DCT: variants seen among roughly 807,000 people sequenced by gnomAD.
DCT encodes L-dopachrome tautomerase.
DCT carries 47 observed loss-of-function variants against 53.0 expected under a neutral mutation model. That is an observed-to-expected ratio of 0.89 (90% CI 0.70 to 1.13). The LOEUF is 1.13. DCT is among the 50% of genes most tolerant of loss of function. The probability of loss-of-function intolerance (pLI) is 0.00; values close to 1 mark genes in which losing one functional copy is unlikely to be tolerated. For missense variants in DCT, 669 were observed against 637.4 expected, an observed-to-expected ratio of 1.05 and a Z score of -0.53; for synonymous variants, 244 against 237.0, an observed-to-expected ratio of 1.03 and a Z score of -0.27.
chr13:94,462,310 C>A, intron 4 of DCT, 121 bp from the exon 5 acceptor site: 10 of 716,600 alleles, frequency 1.4e-5, no homozygotes, highest in Non-Finnish European at 2.4e-5. Context: ...GAGTTTGAGA[C>A]CAGCTATGGC....
chr13:94,527,495 G>A, the DCT span, among the ~76,000 whole-genome samples: 1 of 152,156 alleles, frequency 6.6e-6, no homozygotes, highest in East Asian at 1.9e-4. Flanking sequence ...AGGCAAACAG[G>A]GTCTGGAGTG....
chr13:94,462,864 T>C (rs116610034), intron 4 of DCT, among the ~76,000 whole-genome samples: 1 of 152,260 alleles, frequency 6.6e-6, no homozygotes, highest in African/African-American at 2.4e-5. Flanking sequence ...GCTAAGCCAG[T>C]TTTGGCAGAA....
At chr13:94,463,341 C>T (rs1325150072) in intron 4 of DCT, among the ~76,000 whole-genome samples, 1 of 148,164 alleles carries the variant, frequency 6.7e-6, no homozygotes, top group African/African-American at 2.5e-5. Flanking sequence ...GGCTGGAGTA[C>T]AATGGCACAC....
chr13:94,538,840 G>A, the DCT span, among the ~76,000 whole-genome samples: 1 of 152,146 alleles, frequency 6.6e-6, no homozygotes, highest in Non-Finnish European at 1.5e-5. Context: ...CTACTCAGCT[G>A]CTTCTCCTCC....
chr13:94,449,082 A>T (rs1475832012), intron 6 of DCT, among the ~76,000 whole-genome samples: 1 of 151,548 alleles, frequency 6.6e-6, no homozygotes, highest in Admixed American at 6.6e-5. Flanking sequence ...GGTACAGAAA[A>T]GGAAAAAAAA....
rs564330668 is a variant in DCT at position 94,469,791 on chromosome 13, A to G, written c.296-746T>C. Among the ~76,000 whole-genome samples the G allele has an allele frequency of 1.7e-3, 257 of 152,254 alleles. 2 individuals carry two copies. Among genetic ancestry groups the G allele is most frequent in the Middle Eastern group, 6.8e-3 (2 of 294 alleles). ...CTAAAGATGAAACCAAAATAAATAC[A>G]TGGCTTGGCCCGGTGGCTCACGCCT... On this transcript the variant is annotated intron_variant, in intron 1 of 7. Transcript: ENST00000377028.
chr13:94,486,854 C>A, the DCT span, among the ~76,000 whole-genome samples: 1 of 152,126 alleles, frequency 6.6e-6, no homozygotes, highest in Admixed American at 6.6e-5. Flanking sequence ...TATCCTTTTG[C>A]AAATTTATGT....
the DCT span, among the ~76,000 whole-genome samples, chr13:94,525,473 T>C: frequency 7.9e-5 from 12 of 152,274 alleles, no homozygotes; most frequent in Middle Eastern, 6.8e-3. Flanking sequence ...GGCAAGCAAA[T>C]ACAGGCTCCA....
At chr13:94,486,477 T>A in the DCT span, among the ~76,000 whole-genome samples, 2 of 152,190 alleles carry the variant, frequency 1.3e-5, no homozygotes, top group Non-Finnish European at 2.9e-5. Context: ...TAGCCTTGCA[T>A]TAACTAAATT....
At chr13:94,464,699 A>C (rs536994329) in intron 4 of DCT, among the ~76,000 whole-genome samples, 1 of 152,232 alleles carries the variant, frequency 6.6e-6, no homozygotes, top group Admixed American at 6.5e-5. Flanking sequence ...AAAATGAATA[A>C]AGGAAGGTGA....
chr13:94,451,318 C>A (rs1883073147), intron 6 of DCT, among the ~76,000 whole-genome samples: 1 of 152,212 alleles, frequency 6.6e-6, no homozygotes, highest in Non-Finnish European at 1.5e-5. Flanking sequence ...CTGCCCTTCA[C>A]CAATTAGTGT....
intron 6 of DCT, among the ~76,000 whole-genome samples, chr13:94,459,044 T>G (rs1008684579): frequency 6.8e-6 from 1 of 146,842 alleles, no homozygotes; most frequent in African/African-American, 2.5e-5. Flanking sequence ...GCCCAGCTAA[T>G]TTGTAAAGGT....
chr13:94,515,238 C>A, the DCT span, among the ~76,000 whole-genome samples: 1 of 152,216 alleles, frequency 6.6e-6, no homozygotes, highest in Non-Finnish European at 1.5e-5. Context: ...TCTGCTGTAG[C>A]AGCCCCAACT....
chr13:94,471,811 G>C (rs555596819), intron 1 of DCT, among the ~76,000 whole-genome samples: 1 of 152,296 alleles, frequency 6.6e-6, no homozygotes, highest in East Asian at 1.9e-4. Flanking sequence ...TGCAGTAGAA[G>C]AGTAATTCCT....
At chr13:94,527,958 C>A in the DCT span, among the ~76,000 whole-genome samples, 1 of 152,146 alleles carries the variant, frequency 6.6e-6, no homozygotes, top group East Asian at 1.9e-4. Context: ...CCTGATGAAG[C>A]TGAAAACCAT....
chr13:94,443,762 G>A, intron 6 of DCT, 125 bp from the exon 7 acceptor site: 1 of 693,284 alleles, frequency 1.4e-6, no homozygotes, highest in South Asian at 1.8e-5. Context: ...ATACCCATGT[G>A]TGGAATACCC....
chr13:94,529,418 A>C, the DCT span, among the ~76,000 whole-genome samples: 1 of 152,224 alleles, frequency 6.6e-6, no homozygotes, highest in Non-Finnish European at 1.5e-5. Context: ...AATGTAAAAG[A>C]ACAGAAATCA....
chr13:94,441,990 C>T (rs144822595), intron 7 of DCT, among the ~76,000 whole-genome samples: 100 of 152,274 alleles, frequency 6.6e-4, no homozygotes, highest in Middle Eastern at 3.4e-3. Flanking sequence ...AATTTCTCTA[C>T]ACCCTCAGCA....
chr13:94,486,257 T>C, the DCT span, among the ~76,000 whole-genome samples: 1 of 152,232 alleles, frequency 6.6e-6, no homozygotes, highest in Non-Finnish European at 1.5e-5. Context: ...CCATGCCAGG[T>C]ACTATGCTAA....
Sources: allele counts gnomAD v4.1 joint callset (sites outside exome capture counted in the v4.1 genomes callset), GRCh38; gene constraint gnomAD v4.1.1; transcripts MANE v1.5; gene names NCBI Gene and HGNC (gene_info 2026-07-23, HGNC 2026-07-21).